ANKFN1: variants seen among roughly 807,000 people sequenced by gnomAD.
ANKFN1 encodes the protein ankyrin repeat and fibronectin type III domain containing 1.
A neutral mutation model predicts 108.7 loss-of-function variants in ANKFN1; 74 were observed. The ratio of observed to expected loss-of-function variants is 0.68; its 90% CI spans 0.56 to 0.83. ANKFN1 has a LOEUF of 0.83. Among genes scored for constraint, ANKFN1 ranks in the 40% least tolerant of loss-of-function variants. The pLI, the probability that ANKFN1 is intolerant of heterozygous loss-of-function variation, is 0.00. For synonymous variants in ANKFN1, 547 were observed against 516.2 expected (o/e 1.06, Z -0.81); for missense variants, 1,505 against 1,382.3 (o/e 1.09, Z -1.41).
intron 1 of ANKFN1, among the ~76,000 whole-genome samples, chr17:56,158,714 T>A (rs1909343092): frequency 1.3e-5 from 2 of 152,176 alleles, no homozygotes; most frequent in African/African-American, 2.4e-5. Flanking sequence ...ATGATTTTTT[T>A]ATAAGTGTGG....
rs112162447 is a variant in ANKFN1 at position 56,101,257 on chromosome 17, A to G, written c.288+54932A>G. Reference sequence around the variant, plus strand: ...TATTCTGTTACAGCAACCTGAAATGACAAAGACAATTGTCTTCTTACAATT... The same window carrying G: ...TATTCTGTTACAGCAACCTGAAATGGCAAAGACAATTGTCTTCTTACAATT... On this transcript the variant is annotated intron_variant, in intron 4 of 12. Transcript: ENST00000635860. Among the ~76,000 whole-genome samples, 15 of 152,316 alleles carry G rather than the reference A, an allele frequency of 9.8e-5. 1 individual carries two copies. The highest frequency in any genetic ancestry group is 3.4e-4 in the African/African-American group (14 of 41,574).
At position 56,510,882 on chromosome 17, in the gene ANKFN1, G is replaced by A. The variant is rs1259878752; in HGVS notation, c.3054G>A (p.Leu1018=). The A allele has an allele frequency of 6.5e-7, 1 of 1,536,172 alleles. No homozygotes were observed. The highest frequency in any genetic ancestry group is 8.7e-7 in the Non-Finnish European group (1 of 1,146,910). The change falls in exon 21 of 21, where the codon TTG becomes TTA. Residue 1018 remains leucine, a synonymous_variant. Coordinates refer to ENST00000682825, the MANE Select transcript of ANKFN1 (RefSeq NM_001370326.1). ...YGGFSRHHRW[L]RIHSETQSLS... ...GCTTCAGCCGCCATCATCGCTGGTT[G>A]CGCATCCACAGCGAGACCCAGTCGC...
chr17:56,174,413 A>T, intron 1 of ANKFN1: 2 of 985,396 alleles, frequency 2.0e-6, no homozygotes, highest in Non-Finnish European at 2.4e-6. Flanking sequence ...TTGGCTTCCA[A>T]ATCTTCCAAG....
chr17:56,428,852 C>G (rs969232188), intron 8 of ANKFN1, among the ~76,000 whole-genome samples: 7 of 150,414 alleles, frequency 4.7e-5, no homozygotes, highest in Non-Finnish European at 7.4e-5. Flanking sequence ...TGGGACCCAG[C>G]TGACAAAAAG....
chr17:56,385,116 A>G (rs1325695029), intron 8 of ANKFN1, among the ~76,000 whole-genome samples: 1 of 151,458 alleles, frequency 6.6e-6, no homozygotes, highest in Non-Finnish European at 1.5e-5. Flanking sequence ...TGGTACCAAA[A>G]CAGAGATATA....
intron 3 of ANKFN1, among the ~76,000 whole-genome samples, chr17:56,297,738 T>G (rs1414937240): frequency 6.6e-6 from 1 of 152,204 alleles, no homozygotes; most frequent in African/African-American, 2.4e-5. Flanking sequence ...AGTCTCCTAG[T>G]GCCTCACAAC....
At chr17:56,090,942 T>C (rs1905403213) in intron 4 of ANKFN1, among the ~76,000 whole-genome samples, 1 of 151,100 alleles carries the variant, frequency 6.6e-6, no homozygotes, top group African/African-American at 2.4e-5. Context: ...ATTATACCAA[T>C]ACCAACGTGG....
intron 3 of ANKFN1, among the ~76,000 whole-genome samples, chr17:56,244,475 C>A (rs561873884): frequency 6.6e-6 from 1 of 152,190 alleles, no homozygotes; most frequent in African/African-American, 2.4e-5. Context: ...CTCTCAGGGT[C>A]CAGCAGCCAA....
intron 3 of ANKFN1, among the ~76,000 whole-genome samples, chr17:56,285,465 T>A (rs989132825): frequency 3.3e-5 from 5 of 152,216 alleles, no homozygotes; most frequent in Admixed American, 6.5e-5. Flanking sequence ...TTTTCCTCCT[T>A]ATTCCACTTC....
At chr17:56,408,077 G>A (rs2047976649) in intron 8 of ANKFN1, among the ~76,000 whole-genome samples, 1 of 151,710 alleles carries the variant, frequency 6.6e-6, no homozygotes, top group Non-Finnish European at 1.5e-5. Flanking sequence ...TGGGATTACA[G>A]GCATAGGCCA....
At chr17:56,150,308 T>C (rs1908519623), upstream of ANKFN1, among the ~76,000 whole-genome samples, 1 of 152,234 alleles carries the variant, frequency 6.6e-6, no homozygotes, top group African/African-American at 2.4e-5. Flanking sequence ...CTAGCTTCTC[T>C]TAAAAATATG....
chr17:56,425,040 A>G lies in ANKFN1; in HGVS notation c.911-15287A>G, dbSNP rs545321270. The stretch of plus-strand genomic sequence containing the variant: ...AGTAAAGCTGAGACCCGTTACATAC[A>G]CCTGGAGAGAGAGCATGGCTTTTGA... On this transcript the variant is annotated intron_variant, in intron 8 of 20. Transcript: ENST00000682825. Among the ~76,000 whole-genome samples the G allele has an allele frequency of 9.2e-5, 14 of 152,058 alleles. No homozygotes were observed. The South Asian group carries it at 1.5e-3, about 16-fold the overall frequency.
intron 1 of ANKFN1, among the ~76,000 whole-genome samples, chr17:56,205,613 G>A (rs1914468224): frequency 1.3e-5 from 2 of 152,050 alleles, no homozygotes; most frequent in South Asian, 2.1e-4. Context: ...CATTTATAAC[G>A]AAAAGTGATA....
chr17:56,157,378 C>T (rs566697177), intron 1 of ANKFN1, among the ~76,000 whole-genome samples: 319 of 152,346 alleles, frequency 2.1e-3, no homozygotes, highest in Admixed American at 3.6e-3. Flanking sequence ...GAGTGGGTCT[C>T]TCTGGGACAC....
chr17:56,153,400 G>A, upstream of ANKFN1: 3 of 1,407,096 alleles, frequency 2.1e-6, no homozygotes, highest in Non-Finnish European at 3.0e-6. Context: ...CAGTCTCCCT[G>A]GATAAAGCCA....
intron 8 of ANKFN1, among the ~76,000 whole-genome samples, chr17:56,390,884 T>A (rs997552905): frequency 6.6e-6 from 1 of 152,184 alleles, no homozygotes; most frequent in African/African-American, 2.4e-5. Context: ...AGACCAGGCC[T>A]ATCATAAGTG....
At chr17:56,148,352 CA>C (rs1412583882) in intron 4 of ANKFN1, among the ~76,000 whole-genome samples, 2 of 152,220 alleles carry the variant, frequency 1.3e-5, no homozygotes, top group African/African-American at 4.8e-5. Context: ...CCTAATTTTA[CA>C]GGAAAGAGGC....
intron 3 of ANKFN1, among the ~76,000 whole-genome samples, chr17:56,287,723 A>T (rs2044254660): frequency 6.6e-6 from 1 of 152,210 alleles, no homozygotes; most frequent in Non-Finnish European, 1.5e-5. Flanking sequence ...GTTCTTTTTC[A>T]TAAGTTTGTA....
In ANKFN1 at chr17:56,482,407, G is replaced by A; in HGVS notation, c.2143G>A (p.Val715Met). Residue 715 changes from valine (V) to methionine (M), a missense_variant, in exon 18 of 21, where the codon GTG (valine) becomes ATG (methionine). By Grantham distance (21) the Val-to-Met change is conservative (BLOSUM62 1). Coordinates refer to ENST00000682825, the MANE Select transcript of ANKFN1 (RefSeq NM_001370326.1). ...TQEVLEMGHN[V>M]SFLLLLPASD... ...GGAGGTGTTGGAAATGGGTCACAAT[G>A]TGTCCTTTCTTCTCCTGCTCCCTGC... 1 of 1,613,308 alleles carries A rather than the reference G, an allele frequency of 6.2e-7. No homozygotes were observed. Among genetic ancestry groups the A allele is most frequent in the Non-Finnish European group, 8.5e-7 (1 of 1,179,578 alleles).
Sources: gnomAD v4.1 joint callset for allele counts (sites outside exome capture counted in the v4.1 genomes callset) on GRCh38, gnomAD v4.1.1 for gene constraint, MANE v1.5 for transcripts, NCBI Gene and HGNC (gene_info 2026-07-23, HGNC 2026-07-21) for gene names.